PTK2: variants seen among roughly 807,000 people sequenced by gnomAD.
PTK2 encodes protein tyrosine kinase 2.
A neutral mutation model predicts 150.1 loss-of-function variants in PTK2; 45 were observed. The ratio of observed to expected loss-of-function variants is 0.30; its 90% confidence interval spans 0.24 to 0.38. The LOEUF (loss-of-function observed/expected upper bound fraction) is 0.38. PTK2 is among the 10% of genes least tolerant of loss of function. The pLI is 1.00. For synonymous variants in PTK2, 432 were observed against 449.2 expected, an observed-to-expected ratio of 0.96 and a Z score of 0.48; for missense variants, 919 against 1,307.3, an observed-to-expected ratio of 0.70 and a Z score of 4.58.
At chr8:140,868,968 T>A (rs62521883) in intron 4 of PTK2, among the ~76,000 whole-genome samples, 42,825 of 152,034 alleles carry the variant, frequency 0.28, 6,340 homozygotes, top group Admixed American at 0.38. Flanking sequence ...GCTATATTAT[T>A]TAAGATTTTA....
At chr8:140,889,042 T>C (rs564026615) in intron 3 of PTK2, among the ~76,000 whole-genome samples, 4 of 151,234 alleles carry the variant, frequency 2.6e-5, no homozygotes, top group Admixed American at 2.0e-4. Context: ...AAGTTAAAAG[T>C]AAAACACAGA....
intron 1 of PTK2, among the ~76,000 whole-genome samples, chr8:140,959,495 C>T (rs1294821965): frequency 2.1e-5 from 3 of 141,604 alleles, no homozygotes; most frequent in Non-Finnish European, 3.0e-5. Context: ...GCGGAGATCA[C>T]GACACTGCAC....
chr8:140,658,293 G>T, exon 32 of PTK2: 1 of 167,246 alleles, frequency 6.0e-6, no homozygotes, highest in Non-Finnish European at 1.3e-5. Flanking sequence ...TTAGTGAGAG[G>T]CTTCCTGATA....
intron 2 of PTK2, among the ~76,000 whole-genome samples, chr8:140,902,494 C>T (rs563914849): frequency 6.6e-6 from 1 of 152,300 alleles, no homozygotes; most frequent in Non-Finnish European, 1.5e-5. Flanking sequence ...ATTGCTGGGT[C>T]AAATGGTATT....
chr8:140,826,057 G>T lies in PTK2; in HGVS notation c.648+4415C>A, dbSNP rs929989699. ...AATCTTTCAACAATTCAATGTGAAT[G>T]TTAATTATAAATAATCTTCTACGAA... On this transcript the variant is annotated intron_variant, in intron 8 of 31. Transcript: ENST00000522684. 2.6e-5 allele frequency among the ~76,000 whole-genome samples: 4 copies of T among 152,104 alleles called. No homozygotes were observed. In the South Asian group the frequency reaches 8.3e-4, roughly 32 times the overall value.
intron 14 of PTK2, among the ~76,000 whole-genome samples, chr8:140,775,214 G>A (rs952115334): frequency 1.3e-5 from 2 of 152,170 alleles, no homozygotes; most frequent in Non-Finnish European, 2.9e-5. Context: ...ACCAGGCATG[G>A]TGGCTCATGC....
At chr8:140,893,101 G>C (rs2100154770) in intron 2 of PTK2, among the ~76,000 whole-genome samples, 1 of 152,196 alleles carries the variant, frequency 6.6e-6, no homozygotes, top group Non-Finnish European at 1.5e-5. Flanking sequence ...ACTGAGGCAG[G>C]AGGACTGCTT....
At chr8:140,772,389 G>C (rs2100075989) in intron 14 of PTK2, among the ~76,000 whole-genome samples, 2 of 152,172 alleles carry the variant, frequency 1.3e-5, no homozygotes, top group African/African-American at 4.8e-5. Flanking sequence ...CAGAGCCTCT[G>C]AACTCCAGCC....
intron 1 of PTK2, among the ~76,000 whole-genome samples, chr8:140,930,083 A>G (rs543695904): frequency 1.3e-5 from 2 of 152,346 alleles, no homozygotes; most frequent in South Asian, 4.1e-4. Context: ...TAAACCTCCA[A>G]TAAATCTCCT....
intron 3 of PTK2, among the ~76,000 whole-genome samples, 158 bp from the exon 4 acceptor site, chr8:140,879,795 T>A (rs1006740534): frequency 4.0e-5 from 6 of 151,700 alleles, no homozygotes; most frequent in African/African-American, 1.5e-4. Context: ...AAATCTTTGG[T>A]ATGAGAATAT....
chr8:140,782,946 G>A (rs1240328789), intron 14 of PTK2, among the ~76,000 whole-genome samples: 1 of 152,022 alleles, frequency 6.6e-6, no homozygotes, highest in African/African-American at 2.4e-5. Flanking sequence ...CTTTAGAAAT[G>A]AGTCAACATA....
chr8:140,814,018 AG>A (rs1396795887), intron 10 of PTK2, among the ~76,000 whole-genome samples: 3 of 152,252 alleles, frequency 2.0e-5, no homozygotes, highest in Non-Finnish European at 4.4e-5. Flanking sequence ...AGAGAATCTT[AG>A]GAACACCTCT....
chr8:140,677,289 C>T (rs767361556), intron 27 of PTK2, among the ~76,000 whole-genome samples: 6 of 150,800 alleles, frequency 4.0e-5, no homozygotes, highest in African/African-American at 1.2e-4. Flanking sequence ...ATTGTCATCA[C>T]CCCCAAAGCA....
intron 3 of PTK2, among the ~76,000 whole-genome samples, chr8:140,888,965 A>ACCT (rs2100153284): frequency 6.6e-6 from 1 of 152,166 alleles, no homozygotes; most frequent in African/African-American, 2.4e-5. Context: ...TCCAGTATGA[A>ACCT]TTATCTGATA....
intron 14 of PTK2, among the ~76,000 whole-genome samples, chr8:140,779,166 G>A (rs1037263965): frequency 7.9e-5 from 12 of 151,628 alleles, no homozygotes; most frequent in African/African-American, 2.9e-4. Context: ...GGAGGCTGAG[G>A]CAGGAGAATA....
At chr8:140,776,054 G>A (rs555738344) in intron 14 of PTK2, among the ~76,000 whole-genome samples, 18 of 152,304 alleles carry the variant, frequency 1.2e-4, no homozygotes, top group Non-Finnish European at 2.4e-4. Context: ...ATCCAGGCTG[G>A]AGTGCAGTGG....
At chr8:140,827,668 T>C (rs1455059811) in intron 8 of PTK2, among the ~76,000 whole-genome samples, 1 of 152,174 alleles carries the variant, frequency 6.6e-6, no homozygotes, top group African/African-American at 2.4e-5. Context: ...TTGTACTCAG[T>C]GTTCAGAAAG....
intron 1 of PTK2, among the ~76,000 whole-genome samples, chr8:140,929,294 C>G (rs942611904): frequency 6.6e-6 from 1 of 152,082 alleles, no homozygotes; most frequent in African/African-American, 2.4e-5. Context: ...AATGTTAAAA[C>G]CATTTTTAAA....
At position 140,692,578 on chromosome 8, in the gene PTK2, T is replaced by C. The variant is rs577084530; in HGVS notation, c.2500-5884A>G. 2.6e-5 allele frequency among the ~76,000 whole-genome samples: 4 copies of C among 152,110 alleles called. No individual in the cohort carries two copies. In the South Asian group the frequency reaches 8.3e-4, roughly 32 times the overall value. On this transcript the variant is annotated intron_variant, in intron 26 of 31. Coordinates refer to ENST00000522684, the Ensembl canonical transcript of PTK2. The stretch of plus-strand genomic sequence containing the variant: ...GTTGCAGTGTGCCAAGATTGCGCCA[T>C]TTCACTCCAGCCTGGGGGACAAGAG...
Sources: allele counts gnomAD v4.1 joint callset (sites outside exome capture counted in the v4.1 genomes callset), GRCh38; gene constraint gnomAD v4.1.1; transcripts MANE v1.5; gene names NCBI Gene and HGNC (gene_info 2026-07-23, HGNC 2026-07-21).